TGFBR3: variants seen among roughly 807,000 people sequenced by gnomAD.
TGFBR3 encodes the protein transforming growth factor beta receptor type 3.
A neutral mutation model predicts 87.9 loss-of-function variants in TGFBR3; 46 were observed. The ratio of observed to expected loss-of-function variants is 0.52; its 90% confidence interval spans 0.41 to 0.67. TGFBR3 has a LOEUF of 0.67. Among genes scored for constraint, TGFBR3 ranks in the 30% least tolerant of loss-of-function variants. The pLI is 0.00. For synonymous variants in TGFBR3, 381 were observed against 391.6 expected (o/e 0.97, Z 0.32); for missense variants, 866 against 1,041.9 (o/e 0.83, Z 2.32).
At chr1:91,786,164 A>C in intron 3 of TGFBR3, 1 of 455,900 alleles carries the variant, frequency 2.2e-6, no homozygotes, top group Non-Finnish European at 4.4e-6. Context: ...AAAAATGAGT[A>C]AGAATCTGGC....
intron 1 of TGFBR3, among the ~76,000 whole-genome samples, chr1:91,876,204 C>A (rs1251211047): frequency 6.6e-6 from 1 of 151,982 alleles, no homozygotes; most frequent in African/African-American, 2.4e-5. Flanking sequence ...GCCTCAGTGA[C>A]AAGACTAAGA....
chr1:91,709,323 T>TA (rs1671899156), intron 13 of TGFBR3, among the ~76,000 whole-genome samples: 1 of 152,230 alleles, frequency 6.6e-6, no homozygotes, highest in East Asian at 1.9e-4. Context: ...TCAGAACACT[T>TA]ACGTTAACCT....
chr1:91,774,877 G>C lies in TGFBR3; in HGVS notation c.247-16127C>G, dbSNP rs543802073. ...GAAATCAGAACTAGTGAGTGGACTT[G>C]GTTACTGTAAGATCACTGGTAAAAG... is the stretch of plus-strand genomic sequence containing the variant. On this transcript the variant is annotated intron_variant, in intron 3 of 16. Coordinates refer to ENST00000212355, the MANE Select transcript of TGFBR3 (RefSeq NM_003243.5). Among the ~76,000 whole-genome samples the C allele has an allele frequency of 3.3e-5, 5 of 152,184 alleles. No homozygotes were observed. The East Asian group carries it at 5.8e-4, about 18-fold the overall frequency.
In TGFBR3 at chr1:91,683,510, C is replaced by T; in HGVS notation, c.*229G>A. The T allele has an allele frequency of 2.9e-6, 2 of 690,378 alleles. No individual in the cohort carries two copies. The highest frequency in any genetic ancestry group is 2.6e-6 in the Non-Finnish European group (1 of 378,868). The allele number at this position is 690,378 out of a possible 1,614,324, so 42.8% of individuals were successfully genotyped here. On this transcript the variant is annotated 3_prime_UTR_variant, in exon 17 of 17. Transcript: ENST00000212355. ...GAGAAGACCACCATTTTAGCTTTCT[C>T]ACATGAATTCTAGTGTGGTACAGAA...
At chr1:91,844,905 G>T (rs1027603037) in intron 2 of TGFBR3, among the ~76,000 whole-genome samples, 16 of 152,130 alleles carry the variant, frequency 1.1e-4, no homozygotes, top group Non-Finnish European at 1.9e-4. Flanking sequence ...CAAAAAGTTG[G>T]CTGGGAGTCA....
chr1:91,732,539 G>T (rs767397554), intron 5 of TGFBR3, among the ~76,000 whole-genome samples: 9 of 152,320 alleles, frequency 5.9e-5, no homozygotes, highest in South Asian at 2.1e-4. Flanking sequence ...TACAAGAAAG[G>T]TAGAGCCAGG....
intron 1 of TGFBR3, among the ~76,000 whole-genome samples, chr1:91,868,507 T>C (rs1036848875): frequency 1.3e-5 from 2 of 152,192 alleles, no homozygotes; most frequent in African/African-American, 4.8e-5. Flanking sequence ...TCAACATTTC[T>C]GGTATAAGTT....
In TGFBR3 at chr1:91,719,244, A is replaced by G. The variant is rs538593425; in HGVS notation, c.1566+68T>C. ...TCTTCATCTTCAAAGAAATGTTAAGACTAACTTTAAGGGAGCACACAGCCA... is the reference window on the plus strand; with the variant it reads ...TCTTCATCTTCAAAGAAATGTTAAGGCTAACTTTAAGGGAGCACACAGCCA... On this transcript the variant is annotated intron_variant, in intron 10 of 16. Transcript: ENST00000212355. The G allele has an allele frequency of 3.7e-6, 6 of 1,605,022 alleles. No individual in the cohort carries two copies. In the South Asian group the frequency reaches 4.4e-5, roughly 12 times the overall value.
At chr1:91,794,603 A>G (rs12027931) in intron 3 of TGFBR3, among the ~76,000 whole-genome samples, 17,829 of 152,144 alleles carry the variant, frequency 0.12, 1,475 homozygotes, top group East Asian at 0.48. Flanking sequence ...GTCTCTATAA[A>G]TTTCTGTATC....
chr1:91,716,139 G>A, intron 12 of TGFBR3, 97 bp downstream of exon 12: 1 of 1,457,732 alleles, frequency 6.9e-7, no homozygotes, highest in South Asian at 1.2e-5. Flanking sequence ...CTGTGAGGTA[G>A]GACAGGAAGA....
intron 4 of TGFBR3, among the ~76,000 whole-genome samples, chr1:91,748,067 C>T (rs1430930407): frequency 2.0e-5 from 3 of 152,206 alleles, no homozygotes; most frequent in Admixed American, 2.0e-4. Flanking sequence ...CCAGGAACCA[C>T]AGACCTAACA....
intron 1 of TGFBR3, among the ~76,000 whole-genome samples, chr1:91,870,460 TACAAAGCCAAGACTTGTCC>T (rs1678541859): frequency 1.3e-5 from 2 of 152,234 alleles, no homozygotes; most frequent in African/African-American, 4.8e-5. Flanking sequence ...GCTACTTAGT[TACAAAGCCAAGACTTGTCC>T]ACATGCTGCT....
chr1:91,750,131 C>G (rs574250226), intron 4 of TGFBR3, among the ~76,000 whole-genome samples: 1 of 152,170 alleles, frequency 6.6e-6, no homozygotes, highest in Non-Finnish European at 1.5e-5. Context: ...ACAGACATGA[C>G]GCAAGTCCAG....
intron 1 of TGFBR3, among the ~76,000 whole-genome samples, chr1:91,865,202 CAA>C (rs67134125): frequency 0.62 from 65,723 of 105,878 alleles, 17,931 homozygotes; most frequent in East Asian, 0.74. Context: ...GACTCCATCT[CAA>C]AAAAAAAAAA....
intron 3 of TGFBR3, among the ~76,000 whole-genome samples, chr1:91,779,722 A>G (rs948418656): frequency 6.6e-6 from 1 of 151,112 alleles, no homozygotes; most frequent in Admixed American, 6.6e-5. Flanking sequence ...TGGAGACAGG[A>G]GGGAGCATGG....
At chr1:91,752,370 C>A (rs1673573845) in intron 4 of TGFBR3, among the ~76,000 whole-genome samples, 1 of 152,150 alleles carries the variant, frequency 6.6e-6, no homozygotes, top group South Asian at 2.1e-4. Flanking sequence ...CTTCTATGCC[C>A]CATCCCCCAC....
At chr1:91,889,176 C>T (rs139584900), upstream of TGFBR3, among the ~76,000 whole-genome samples, 316 of 152,280 alleles carry the variant, frequency 2.1e-3, no homozygotes, top group Non-Finnish European at 3.5e-3. Flanking sequence ...TGAGCCACTG[C>T]GCCTGGCCAT....
intron 2 of TGFBR3, among the ~76,000 whole-genome samples, chr1:91,846,302 C>T (rs781689685): frequency 2.7e-4 from 41 of 152,156 alleles, no homozygotes; most frequent in Non-Finnish European, 4.0e-4. Context: ...TTTGAATTCA[C>T]CCCATACCAT....
rs200406305 is a variant in TGFBR3, at chr1:91,758,599, G to T, written c.384+14C>A. ...TGTGCTAAGGATCAGTTTGGGGGAG[G>T]TTTAAGCACTTACCAAAAACAGTCT... On this transcript the variant is annotated intron_variant, in intron 4 of 16. Transcript: ENST00000212355. 69 of 1,613,834 alleles carry T rather than the reference G, an allele frequency of 4.3e-5. No individual in the cohort carries two copies. The African/African-American group carries it at 7.6e-4, about 18-fold the overall frequency.
Sources: allele counts gnomAD v4.1 joint callset (sites outside exome capture counted in the v4.1 genomes callset), GRCh38; gene constraint gnomAD v4.1.1; transcripts MANE v1.5; gene names NCBI Gene and HGNC (gene_info 2026-07-23, HGNC 2026-07-21).